PCDHGA5: variants seen among roughly 807,000 people sequenced by gnomAD.
The protein encoded by PCDHGA5 is protocadherin gamma subfamily A, 5, also known as protocadherin gamma-A5.
PCDHGA5 carries 36 observed loss-of-function variants against 56.7 expected under a neutral mutation model. That is an observed-to-expected ratio of 0.64 (90% CI 0.49 to 0.84). The LOEUF (loss-of-function observed/expected upper bound fraction) is 0.84, where lower values mean the gene tolerates loss of function less well. Ranked by LOEUF, PCDHGA5 falls within the 40% of genes least tolerant of loss-of-function variation. The pLI is 0.00. For synonymous variants in PCDHGA5, 563 were observed against 520.2 expected (o/e 1.08, Z -1.12); for missense variants, 1,305 against 1,201.5 (o/e 1.09, Z -1.27).
intron 1 of PCDHGA5, among the ~76,000 whole-genome samples, chr5:141,488,553 T>C (rs2099676887): frequency 6.6e-6 from 1 of 152,166 alleles, no homozygotes; most frequent in South Asian, 2.1e-4. Flanking sequence ...TCAGCTGACA[T>C]TGAGATTTCC....
intron 2 of PCDHGA5, among the ~76,000 whole-genome samples, chr5:141,502,152 C>T (rs1306227782): frequency 2.0e-5 from 3 of 152,128 alleles, no homozygotes; most frequent in African/African-American, 4.8e-5. Flanking sequence ...AAGTAAGGAC[C>T]CCAGATATTC....
At chr5:141,394,096 G>C in intron 1 of PCDHGA5, 1 of 1,613,822 alleles carries the variant, frequency 6.2e-7, no homozygotes, top group African/African-American at 1.3e-5. Context: ...TCAGATCTAG[G>C]AACACCACCT....
At chr5:141,425,484 TA>T (rs929097245) in intron 1 of PCDHGA5, among the ~76,000 whole-genome samples, 1 of 152,258 alleles carries the variant, frequency 6.6e-6, no homozygotes, top group African/African-American at 2.4e-5. Context: ...TATGGCAACC[TA>T]CTAGGCTATA....
intron 1 of PCDHGA5, among the ~76,000 whole-genome samples, chr5:141,473,916 A>T (rs1014065718): frequency 2.6e-5 from 4 of 152,162 alleles, no homozygotes; most frequent in Non-Finnish European, 4.4e-5. Flanking sequence ...TCTTAAGAAA[A>T]CTATGAGCTG....
chr5:141,403,754 G>A (rs2094451238), intron 1 of PCDHGA5: 1 of 1,613,768 alleles, frequency 6.2e-7, no homozygotes, highest in African/African-American at 1.3e-5. Flanking sequence ...AACAGCCAGC[G>A]ACCTGGATGA....
At chr5:141,509,650 T>C (rs1484029268) in intron 3 of PCDHGA5, among the ~76,000 whole-genome samples, 1 of 152,188 alleles carries the variant, frequency 6.6e-6, no homozygotes, top group African/African-American at 2.4e-5. Context: ...GGCCAGAGTG[T>C]GGACTTCTCT....
At chr5:141,426,850 C>T in intron 1 of PCDHGA5, 1 of 456,734 alleles carries the variant, frequency 2.2e-6, no homozygotes. Context: ...GGCAAGAACG[C>T]TCCAGAATTA....
intron 1 of PCDHGA5, among the ~76,000 whole-genome samples, chr5:141,458,079 C>G (rs1016889225): frequency 6.6e-6 from 1 of 152,186 alleles, no homozygotes; most frequent in Non-Finnish European, 1.5e-5. Context: ...AACTATATTG[C>G]CGTAAGTTAA....
In PCDHGA5 at chr5:141,501,310, C is replaced by T. The variant is rs958976594; in HGVS notation, c.2481-4083C>T. ...CCTTATACACACACACACACACACA[C>T]ACACACACACACACACACACACACC... On this transcript the variant is annotated intron_variant, in intron 2 of 3. Transcript: ENST00000518069. Among the ~76,000 whole-genome samples, 4 of 151,684 alleles carry T rather than the reference C, an allele frequency of 2.6e-5. No individual in the cohort carries two copies. The South Asian group carries it at 8.3e-4, about 32-fold the overall frequency.
At chr5:141,421,878 T>C (rs1364225081) in intron 1 of PCDHGA5, 1 of 1,613,612 alleles carries the variant, frequency 6.2e-7, no homozygotes, top group African/African-American at 1.3e-5. Context: ...CAGCTTTAGA[T>C]GGAGGCGATC....
At chr5:141,369,250 A>G (rs536586980) in intron 1 of PCDHGA5, among the ~76,000 whole-genome samples, 86 of 152,320 alleles carry the variant, frequency 5.6e-4, no homozygotes, top group African/African-American at 2.0e-3. Context: ...ATAATTAAAT[A>G]ATATAATTAT....
intron 1 of PCDHGA5, chr5:141,388,815 A>G: frequency 1.2e-6 from 2 of 1,613,992 alleles, no homozygotes; most frequent in Non-Finnish European, 1.7e-6. Flanking sequence ...TGAAGAAGTC[A>G]AAGAATATTC....
chr5:141,366,593 C>T lies in PCDHGA5; in HGVS notation c.2263C>T (p.His755Tyr). 6.2e-7 allele frequency: 1 copy of T among 1,614,248 alleles called. No individual in the cohort carries two copies. The highest frequency in any genetic ancestry group is 8.5e-7 in the Non-Finnish European group (1 of 1,180,050). Reference sequence around the variant, plus strand: ...TCGGGCTTTCCTGCAGACCTATTCCCACGAGGTCTCCCTCACCGCGGACTC... The same window carrying T: ...TCGGGCTTTCCTGCAGACCTATTCCTACGAGGTCTCCCTCACCGCGGACTC... ...GVRAFLQTYS[H>Y]EVSLTADSRK... Residue 755 changes from histidine to tyrosine, a missense_variant, in exon 1 of 4, where the codon CAC (histidine) becomes TAC (tyrosine). His to Tyr is a moderately conservative substitution (Grantham distance 83). Transcript: ENST00000518069.
intron 1 of PCDHGA5, chr5:141,427,536 G>T (rs758610182): frequency 1.6e-6 from 1 of 626,396 alleles, no homozygotes; most frequent in Non-Finnish European, 3.0e-6. Context: ...GGAGTACAAC[G>T]TCACCATCAC....
intron 1 of PCDHGA5, chr5:141,383,689 G>T (rs773858539): frequency 1.9e-6 from 3 of 1,614,036 alleles, no homozygotes; most frequent in Non-Finnish European, 2.5e-6. Flanking sequence ...ACTGCTCACG[G>T]TACATGCTAT....
intron 2 of PCDHGA5, among the ~76,000 whole-genome samples, chr5:141,500,469 A>G (rs917974103): frequency 1.3e-5 from 2 of 152,052 alleles, no homozygotes; most frequent in East Asian, 1.9e-4. Context: ...TCGGCCTCCC[A>G]AAGTGCTGGG....
Position 141,364,814 on chromosome 5 carries a change from G to T in PCDHGA5, c.484G>T (p.Val162Leu). The change falls in exon 1 of 4, where the codon GTG becomes TTG. Residue 162 changes from valine to leucine, a missense_variant. Transcript: ENST00000518069. ...LVLPFARDADVGVNSLRSYQL... is the reference protein window; with the variant it reads ...LVLPFARDADLGVNSLRSYQL... The stretch of plus-strand genomic sequence containing the variant: ...GCTTCCCTTCGCGCGGGATGCGGAT[G>T]TGGGTGTGAACTCTCTCCGGAGTTA... 6.2e-7 allele frequency: 1 copy of T among 1,614,042 alleles called. No individual in the cohort carries two copies. Among genetic ancestry groups the T allele is most frequent in the Non-Finnish European group, 8.5e-7 (1 of 1,179,908 alleles).
chr5:141,434,261 G>A (rs1269166732), intron 1 of PCDHGA5, among the ~76,000 whole-genome samples: 2 of 152,194 alleles, frequency 1.3e-5, no homozygotes. Context: ...TTGTGGGGGA[G>A]GTGGAAATTA....
At chr5:141,399,095 T>G (rs1342683408) in intron 1 of PCDHGA5, 2 of 1,613,850 alleles carry the variant, frequency 1.2e-6, no homozygotes, top group East Asian at 2.2e-5. Context: ...GGTGGTGGAC[T>G]GGTTGCACAA....
Sources: gnomAD v4.1 joint callset for allele counts (sites outside exome capture counted in the v4.1 genomes callset) on GRCh38, gnomAD v4.1.1 for gene constraint, MANE v1.5 for transcripts, NCBI Gene and HGNC (gene_info 2026-07-23, HGNC 2026-07-21) for gene names.